ZC2HC1A: variants seen among roughly 807,000 people sequenced by gnomAD.
The protein encoded by ZC2HC1A is zinc finger C2HC domain-containing protein 1A.
In ZC2HC1A, 28 loss-of-function variants were observed where a neutral mutation model predicts 40.7. The ratio of observed to expected loss-of-function variants is 0.69; its 90% CI spans 0.51 to 0.94. The LOEUF is 0.94. Among genes scored for constraint, ZC2HC1A ranks in the 40% least tolerant of loss-of-function variants. The pLI, the probability that ZC2HC1A is intolerant of heterozygous loss-of-function variation, is 0.00. For missense variants in ZC2HC1A, 389 were observed against 386.3 expected (o/e 1.01, Z -0.06); for synonymous variants, 129 against 129.2 (o/e 1.00, Z 0.01).
In ZC2HC1A at chr8:78,700,554, G is replaced by A. The variant is rs146528605; in HGVS notation, c.704+2041G>A. On this transcript the variant is annotated intron_variant, in intron 7 of 8. Transcript: ENST00000263849. ...TTGTGTTTTTGTTGCAATTGCTTTTGGCATCTTCATTATAAAATCTTTGCT... is the reference window on the plus strand; with the variant it reads ...TTGTGTTTTTGTTGCAATTGCTTTTAGCATCTTCATTATAAAATCTTTGCT... Among the ~76,000 whole-genome samples the A allele has an allele frequency of 5.7e-3, 860 of 152,076 alleles. 8 individuals carry two copies. Among genetic ancestry groups the A allele is most frequent in the African/African-American group, 0.019 (808 of 41,486 alleles).
At chr8:78,707,082 G>A (rs1462289956) in intron 7 of ZC2HC1A, among the ~76,000 whole-genome samples, 1 of 152,164 alleles carries the variant, frequency 6.6e-6, no homozygotes, top group Non-Finnish European at 1.5e-5. Context: ...CTCATTGGAT[G>A]ATTAAGTGAA....
intron 7 of ZC2HC1A, among the ~76,000 whole-genome samples, chr8:78,706,909 G>C (rs899776977): frequency 5.9e-5 from 9 of 152,070 alleles, no homozygotes; most frequent in African/African-American, 2.2e-4. Context: ...AATATCTTTT[G>C]AGTTAAGTGA....
Position 78,697,429 on chromosome 8 carries a change from A to G in ZC2HC1A, c.527A>G (p.Lys176Arg). 3 of 1,601,408 alleles carry G rather than the reference A, an allele frequency of 1.9e-6. No homozygotes were observed. The highest frequency in any genetic ancestry group is 2.6e-6 in the Non-Finnish European group (3 of 1,176,428). Residue 176 changes from lysine to arginine, a missense_variant, in exon 6 of 9, where the codon AAG becomes AGG. Transcript: ENST00000263849. The part of the protein sequence containing the change: ...TQVYKPPALK[K>R]SNSPGTASSG... ...TAGTATAAGCCACCCGCACTTAAAA[A>G]GTCAAATTCTCCTGGAACTGCATCA...
Position 78,697,420 on chromosome 8 carries a change from C to A in ZC2HC1A, c.518C>A (p.Ala173Glu). Residue 173 changes from alanine to glutamate, a missense_variant, in exon 6 of 9, where the codon GCA (alanine) becomes GAA (glutamate). Physicochemically the swap from Ala to Glu is moderately radical, Grantham distance 107. Coordinates refer to ENST00000263849, the MANE Select transcript of ZC2HC1A (RefSeq NM_016010.3). ...CCATTATTTTAGTATAAGCCACCCGCACTTAAAAAGTCAAATTCTCCTGGA... is the reference window on the plus strand; with the variant it reads ...CCATTATTTTAGTATAAGCCACCCGAACTTAAAAAGTCAAATTCTCCTGGA... ...TSRTQVYKPP[A>E]LKKSNSPGTA... The A allele has an allele frequency of 6.3e-7, 1 of 1,598,328 alleles. No homozygotes were observed. Among genetic ancestry groups the A allele is most frequent in the Non-Finnish European group, 8.5e-7 (1 of 1,174,988 alleles).
At chr8:78,709,887 G>C (rs759782167) in intron 7 of ZC2HC1A, among the ~76,000 whole-genome samples, 2 of 151,956 alleles carry the variant, frequency 1.3e-5, no homozygotes, top group Non-Finnish European at 2.9e-5. Context: ...AATACCATCC[G>C]GTAAATTCTT....
At chr8:78,716,023 G>A (rs1295994885) in intron 8 of ZC2HC1A, among the ~76,000 whole-genome samples, 1 of 137,608 alleles carries the variant, frequency 7.3e-6, no homozygotes, top group Non-Finnish European at 1.6e-5. Context: ...CTCAGTGACA[G>A]AGCGAGACTC....
chr8:78,692,752 CTTTAGT>C (rs1482164183), intron 5 of ZC2HC1A, among the ~76,000 whole-genome samples: 1 of 151,944 alleles, frequency 6.6e-6, no homozygotes, highest in Non-Finnish European at 1.5e-5. Flanking sequence ...TAGTAGTATA[CTTTAGT>C]TTTAGGGTAC....
chr8:78,688,717 A>G (rs1810106745), intron 4 of ZC2HC1A, among the ~76,000 whole-genome samples: 1 of 152,142 alleles, frequency 6.6e-6, no homozygotes, highest in Non-Finnish European at 1.5e-5. Flanking sequence ...CACTTCTTCC[A>G]TCTGTTGGGA....
At chr8:78,704,910 C>T (rs566359396) in intron 7 of ZC2HC1A, among the ~76,000 whole-genome samples, 11 of 152,208 alleles carry the variant, frequency 7.2e-5, no homozygotes, top group African/African-American at 2.6e-4. Context: ...CTTGTGATTC[C>T]ATTATGAAAT....
At chr8:78,696,887 T>C (rs1175467877) in intron 5 of ZC2HC1A, among the ~76,000 whole-genome samples, 2 of 152,200 alleles carry the variant, frequency 1.3e-5, no homozygotes, top group African/African-American at 4.8e-5. Flanking sequence ...AGCTGCACCA[T>C]AGCTGTTTCT....
chr8:78,680,845 T>C (rs1809753571), intron 3 of ZC2HC1A, among the ~76,000 whole-genome samples: 1 of 152,154 alleles, frequency 6.6e-6, no homozygotes, highest in Non-Finnish European at 1.5e-5. Context: ...TATCAGATAG[T>C]ATCTTTATCT....
At chr8:78,674,818 T>C (rs926182650) in intron 1 of ZC2HC1A, among the ~76,000 whole-genome samples, 3 of 152,166 alleles carry the variant, frequency 2.0e-5, no homozygotes, top group African/African-American at 7.2e-5. Context: ...TATGGAGTTA[T>C]ATAATTGTAC....
intron 4 of ZC2HC1A, 81 bp from the exon 5 acceptor site, chr8:78,689,141 G>A (rs1482114242): frequency 2.3e-5 from 24 of 1,044,578 alleles, no homozygotes; most frequent in Admixed American, 3.7e-5. Flanking sequence ...TTTTTTGAAT[G>A]ACTGCATAGA....
Position 78,698,415 on chromosome 8 carries a change from T to C in ZC2HC1A, c.606T>C (p.Gly202=). 6.2e-7 allele frequency: 1 copy of C among 1,608,860 alleles called. No homozygotes were observed. The highest frequency in any genetic ancestry group is 8.5e-7 in the Non-Finnish European group (1 of 1,177,638). Residue 202 remains glycine, a splice_region_variant and synonymous_variant, in exon 7 of 9, where the codon GGT becomes GGC. Transcript: ENST00000263849. Reference sequence around the variant, plus strand: ...AAAATAATGCTTTTTTATTATAAGGTGTTCCTTCAGGTAAAGTGTCTTCAA... The same window carrying C: ...AAAATAATGCTTTTTTATTATAAGGCGTTCCTTCAGGTAAAGTGTCTTCAA... ...QPSGAGKTVV[G]VPSGKVSSSS... is the part of the protein sequence containing the mutation.
At chr8:78,666,866 C>T (rs1167534922) in intron 1 of ZC2HC1A, among the ~76,000 whole-genome samples, 1 of 152,182 alleles carries the variant, frequency 6.6e-6, no homozygotes, top group African/African-American at 2.4e-5. Flanking sequence ...AGTTCTTTCA[C>T]TTTTTCTCTA....
chr8:78,694,759 A>G (rs76769079), intron 5 of ZC2HC1A, among the ~76,000 whole-genome samples: 5,626 of 152,278 alleles, frequency 0.037, 316 homozygotes, highest in African/African-American at 0.13. Context: ...TAGTCTTTGT[A>G]TAAATATTTT....
At chr8:78,696,749 T>A (rs1326737287) in intron 5 of ZC2HC1A, among the ~76,000 whole-genome samples, 1 of 152,208 alleles carries the variant, frequency 6.6e-6, no homozygotes, top group Non-Finnish European at 1.5e-5. Flanking sequence ...AAATCCATAA[T>A]GCAGCTGTTG....
intron 7 of ZC2HC1A, among the ~76,000 whole-genome samples, chr8:78,702,614 C>G (rs987503979): frequency 6.6e-6 from 1 of 152,102 alleles, no homozygotes; most frequent in African/African-American, 2.4e-5. Flanking sequence ...ATAAATTTCC[C>G]TTTTACACTG....
rs75447156 is a variant in ZC2HC1A, at chr8:78,714,275, T to C, written c.705-946T>C. 7.4e-3 allele frequency among the ~76,000 whole-genome samples: 1,124 copies of C among 152,260 alleles called. 3 individuals carry two copies. The highest frequency in any genetic ancestry group is 0.018 in the Admixed American group (276 of 15,300). ...TTTGTCTTATCTGTAAATGGAGTTA[T>C]GAACGCTACCTATTTCATAGGATTA... On this transcript the variant is annotated intron_variant, in intron 7 of 8. Transcript: ENST00000263849.
Sources: allele counts gnomAD v4.1 joint callset (sites outside exome capture counted in the v4.1 genomes callset), GRCh38; gene constraint gnomAD v4.1.1; transcripts MANE v1.5; gene names NCBI Gene and HGNC (gene_info 2026-07-23, HGNC 2026-07-21).